The following EEF2K variants were observed in gnomAD, a reference collection of about 807,000 sequenced individuals.
The protein encoded by EEF2K is eukaryotic elongation factor 2 kinase.
A neutral mutation model predicts 93.8 loss-of-function variants in EEF2K; 70 were observed. That is an observed-to-expected ratio of 0.75 (90% CI 0.62 to 0.91). EEF2K has a LOEUF of 0.91. EEF2K is among the 40% of genes least tolerant of loss of function. The pLI is 0.00. For missense variants in EEF2K, 935 were observed against 972.9 expected, an observed-to-expected ratio of 0.96 and a Z score of 0.52; for synonymous variants, 376 against 380.8, an observed-to-expected ratio of 0.99 and a Z score of 0.15.
intron 9 of EEF2K, among the ~76,000 whole-genome samples, chr16:22,257,971 C>T (rs568414832): frequency 6.6e-4 from 100 of 152,192 alleles, no homozygotes; most frequent in Non-Finnish European, 1.0e-3. Flanking sequence ...TCCTTCCAAT[C>T]GAGCAGCTGG....
At chr16:22,249,542 TCTG>T (rs1406690631) in intron 4 of EEF2K, among the ~76,000 whole-genome samples, 2 of 152,084 alleles carry the variant, frequency 1.3e-5, no homozygotes. Context: ...TAAGCACCCC[TCTG>T]AATTCTATCA....
chr16:22,225,877 C>T lies in EEF2K; in HGVS notation c.148C>T (p.Gln50Ter), dbSNP rs1171562421. ...CATCACGGATGACCCAAGCTCGAAC[C>T]AGAATGTCAATTCCAAGGTTAATAA... ...CPITDDPSSNQNVNSKVNKYY... is the reference protein window; with the variant it reads ...CPITDDPSSN Residue 50 changes from glutamine (Q) to a stop codon, truncating the protein, a stop_gained, in exon 2 of 18, where the codon CAG (glutamine) becomes TAG (stop). Transcript: ENST00000263026. LOFTEE classifies it high-confidence loss of function. 1 of 1,614,048 alleles carries T rather than the reference C, an allele frequency of 6.2e-7. No individual in the cohort carries two copies. The highest frequency in any genetic ancestry group is 8.5e-7 in the Non-Finnish European group (1 of 1,180,058).
intron 2 of EEF2K, among the ~76,000 whole-genome samples, chr16:22,233,538 AT>A (rs1321119889): frequency 5.3e-5 from 8 of 151,324 alleles, no homozygotes; most frequent in Non-Finnish European, 1.0e-4. Context: ...AAAAAAAAAA[AT>A]AGCCGGGCAT....
chr16:22,281,971 A>T (rs1359043433), intron 17 of EEF2K, among the ~76,000 whole-genome samples: 1 of 152,146 alleles, frequency 6.6e-6, no homozygotes, highest in Non-Finnish European at 1.5e-5. Context: ...GGTTTAAACT[A>T]AAAAAATTGC....
At chr16:22,270,461 ATGT>A (rs950704712) in intron 15 of EEF2K, among the ~76,000 whole-genome samples, 2 of 151,724 alleles carry the variant, frequency 1.3e-5, no homozygotes, top group African/African-American at 2.4e-5. Context: ...GGGTTTCGTC[ATGT>A]TGTTCTCAAA....
chr16:22,240,916 C>T (rs537565891), intron 2 of EEF2K, among the ~76,000 whole-genome samples: 87 of 151,950 alleles, frequency 5.7e-4, no homozygotes, highest in Non-Finnish European at 1.0e-3. Context: ...ATTACAGGCT[C>T]GTGCCACCAT....
chr16:22,281,484 T>G lies in EEF2K; in HGVS notation c.2068+1108T>G, dbSNP rs545547177. ...CTTGAACTCCTAGCCTCAAGCAATC[T>G]GCTGCCTTGGCTTCCCAAAGTCTTT... On this transcript the variant is annotated intron_variant, in intron 17 of 17. Transcript: ENST00000263026. 2.0e-4 allele frequency among the ~76,000 whole-genome samples: 30 copies of G among 152,344 alleles called. No individual in the cohort carries two copies. In the South Asian group the frequency reaches 6.0e-3, roughly 31 times the overall value.
At position 22,286,060 on chromosome 16, in the gene EEF2K, G is replaced by T. The variant is rs2047750404; in HGVS notation, c.*2064G>T. Reference sequence around the variant, plus strand: ...AAGCGTTAGTTCCAAAGTTCAGTGTGTACCCTTAAATGAACAATGAAGCAG... The same window carrying T: ...AAGCGTTAGTTCCAAAGTTCAGTGTTTACCCTTAAATGAACAATGAAGCAG... On this transcript the variant is annotated 3_prime_UTR_variant, in exon 18 of 18. Coordinates refer to ENST00000263026, the MANE Select transcript of EEF2K (RefSeq NM_013302.5). The T allele has an allele frequency of 6.6e-6, 1 of 152,054 alleles. No homozygotes were observed. Among genetic ancestry groups the T allele is most frequent in the African/African-American group, 2.4e-5 (1 of 41,386 alleles). 9.4% of individuals were successfully genotyped at this position (152,054 alleles called of 1,614,324 possible).
chr16:22,274,791 G>A (rs1052509838), intron 16 of EEF2K, among the ~76,000 whole-genome samples: 1 of 151,684 alleles, frequency 6.6e-6, no homozygotes, highest in Non-Finnish European at 1.5e-5. Context: ...AAATTTGTTG[G>A]AGAGATGGGG....
intron 2 of EEF2K, among the ~76,000 whole-genome samples, chr16:22,238,120 T>C (rs924271411): frequency 2.0e-5 from 3 of 152,082 alleles, no homozygotes; most frequent in African/African-American, 7.2e-5. Flanking sequence ...TGAAACCTGA[T>C]CTCTACTAAA....
intron 16 of EEF2K, among the ~76,000 whole-genome samples, chr16:22,279,228 T>G (rs887989473): frequency 4.8e-5 from 7 of 147,300 alleles, no homozygotes; most frequent in Non-Finnish European, 1.0e-4. Context: ...GAAAGCAACT[T>G]GACTCCTCTT....
Position 22,256,909 on chromosome 16 carries a change from C to T in EEF2K, c.768+12C>T, listed in dbSNP as rs755617854. The T allele has an allele frequency of 7.4e-6, 12 of 1,612,854 alleles. No individual in the cohort carries two copies. The highest frequency in any genetic ancestry group is 9.3e-6 in the Non-Finnish European group (11 of 1,179,680). On this transcript the variant is annotated intron_variant, in intron 7 of 17. Transcript: ENST00000263026. ...GCCTGACGCCGCAGGTGAGGCCGAG[C>T]TCACCTCCACCCTCTGCCCACCACA...
At chr16:22,270,155 G>A (rs2047564037) in intron 15 of EEF2K, among the ~76,000 whole-genome samples, 1 of 151,266 alleles carries the variant, frequency 6.6e-6, no homozygotes, top group African/African-American at 2.4e-5. Context: ...TCTTGCTCTT[G>A]TCCTCCAGGC....
rs35198909 is a variant in EEF2K at position 22,231,998 on chromosome 16, C to CAAAAAAAAAAAA, written c.246+6034_246+6045dup. Among the ~76,000 whole-genome samples, 4 of 65,998 alleles carry CAAAAAAAAAAAA rather than the reference C, an allele frequency of 6.1e-5. 1 individual carries two copies. Among genetic ancestry groups the CAAAAAAAAAAAA allele is most frequent in the African/African-American group, 1.2e-4 (2 of 16,748 alleles). The allele number at this position is 65,998 out of a possible 152,430, so 43.3% of individuals were successfully genotyped here. ...AGAGCGAAACTCTGTCTTAAACAAACAAAAAAAAAAAAAAAAAAAAAAGCT... is the reference window on the plus strand; with the variant it reads ...AGAGCGAAACTCTGTCTTAAACAAACAAAAAAAAAAAAAAAAAAAAAAAAAAAAAAAAAAGCT... On this transcript the variant is annotated intron_variant, in intron 2 of 17. Coordinates refer to ENST00000263026, the MANE Select transcript of EEF2K (RefSeq NM_013302.5).
intron 6 of EEF2K, among the ~76,000 whole-genome samples, chr16:22,252,766 G>C (rs1010065253): frequency 6.6e-6 from 1 of 152,184 alleles, no homozygotes; most frequent in African/African-American, 2.4e-5. Flanking sequence ...CATGTGGCTG[G>C]GGAGGCCTCA....
At chr16:22,239,458 C>T (rs752600389) in intron 2 of EEF2K, among the ~76,000 whole-genome samples, 4 of 152,132 alleles carry the variant, frequency 2.6e-5, no homozygotes, top group Admixed American at 6.6e-5. Context: ...AGGTGGAGGT[C>T]GAAGGCTGTC....
chr16:22,285,606 C>T lies in EEF2K; in HGVS notation c.*1610C>T. Reference sequence around the variant, plus strand: ...GGCCAAGGTGGGAGGATTGCTTGAGCTCAGGACTTCAAGACCAGCCTGGGT... The same window carrying T: ...GGCCAAGGTGGGAGGATTGCTTGAGTTCAGGACTTCAAGACCAGCCTGGGT... On this transcript the variant is annotated 3_prime_UTR_variant, in exon 18 of 18. Coordinates refer to ENST00000263026, the MANE Select transcript of EEF2K (RefSeq NM_013302.5). 1 of 152,286 alleles carries T rather than the reference C, an allele frequency of 6.6e-6. No homozygotes were observed. 9.4% of individuals were successfully genotyped at this position (152,286 alleles called of 1,614,324 possible). A position where few individuals can be genotyped will look rare whatever the true frequency, so the allele number is the denominator to read the frequency against.
chr16:22,223,329 A>G (rs1287164284), intron 1 of EEF2K, among the ~76,000 whole-genome samples: 1 of 137,908 alleles, frequency 7.3e-6, no homozygotes, highest in Non-Finnish European at 1.5e-5. Flanking sequence ...CCCAGGCTGG[A>G]GTGCAATGGC....
rs1363570890 is a variant in EEF2K at position 22,286,457 on chromosome 16, C to G, written c.*2461C>G. 1 of 152,180 alleles carries G rather than the reference C, an allele frequency of 6.6e-6. No individual in the cohort carries two copies. Among genetic ancestry groups the G allele is most frequent in the Non-Finnish European group, 1.5e-5 (1 of 68,046 alleles). The allele number at this position is 152,180 out of a possible 1,614,324, so 9.4% of individuals were successfully genotyped here. Reference sequence around the variant, plus strand: ...TAGTTGTATGTCATCTCTTCTCTAGCAGGAATTGGCAAACTTTTTTGTAAA... The same window carrying G: ...TAGTTGTATGTCATCTCTTCTCTAGGAGGAATTGGCAAACTTTTTTGTAAA... On this transcript the variant is annotated 3_prime_UTR_variant, in exon 18 of 18. Transcript: ENST00000263026.
Sources: gnomAD v4.1 joint callset for allele counts (sites outside exome capture counted in the v4.1 genomes callset) on GRCh38, gnomAD v4.1.1 for gene constraint, MANE v1.5 for transcripts, NCBI Gene and HGNC (gene_info 2026-07-23, HGNC 2026-07-21) for gene names.